SLC9A9: variants seen among roughly 807,000 people sequenced by gnomAD.
SLC9A9 encodes the protein sodium/hydrogen exchanger 9.
A neutral mutation model predicts 77.8 loss-of-function variants in SLC9A9; 62 were observed. The ratio of observed to expected loss-of-function variants is 0.80; its 90% CI spans 0.65 to 0.98. The LOEUF is 0.98. Among genes scored for constraint, SLC9A9 ranks in the 50% least tolerant of loss-of-function variants. The pLI is 0.00. For missense variants in SLC9A9, 775 were observed against 774.9 expected (o/e 1.00, Z 0.00); for synonymous variants, 320 against 283.5 (o/e 1.13, Z -1.29).
chr3:143,265,931 C>G lies in SLC9A9; in HGVS notation c.*771G>C. On this transcript the variant is annotated 3_prime_UTR_variant, in exon 16 of 16. Transcript: ENST00000316549. ...GCACAGCCAAGAAGTGACTCACATG[C>G]AGGCAAGGACGGGAAGGCTTGTTCT... is the stretch of plus-strand genomic sequence containing the variant. 1 of 632,946 alleles carries G rather than the reference C, an allele frequency of 1.6e-6. No homozygotes were observed. The allele number at this position is 632,946 out of a possible 1,614,324, so 39.2% of individuals were successfully genotyped here.
intron 12 of SLC9A9, among the ~76,000 whole-genome samples, chr3:143,422,921 T>C (rs1189705720): frequency 6.6e-6 from 1 of 152,018 alleles, no homozygotes; most frequent in East Asian, 1.9e-4. Flanking sequence ...AAATCCAGAG[T>C]AGTTCAAGAC....
chr3:143,610,586 T>A (rs2038008315), intron 6 of SLC9A9, among the ~76,000 whole-genome samples: 1 of 152,144 alleles, frequency 6.6e-6, no homozygotes, highest in South Asian at 2.1e-4. Flanking sequence ...TCTTGAAAAC[T>A]AAACCAAAAA....
intron 14 of SLC9A9, among the ~76,000 whole-genome samples, chr3:143,352,990 C>T (rs1361543532): frequency 1.3e-5 from 2 of 152,222 alleles, no homozygotes; most frequent in African/African-American, 2.4e-5. Flanking sequence ...AACCGGGACA[C>T]ATGCGGTCCC....
chr3:143,715,609 A>T (rs541096295), intron 4 of SLC9A9, among the ~76,000 whole-genome samples: 1 of 152,342 alleles, frequency 6.6e-6, no homozygotes, highest in Non-Finnish European at 1.5e-5. Flanking sequence ...TCTCTGTCTT[A>T]GCCATCTCCA....
At chr3:143,562,148 A>G (rs913300704) in intron 8 of SLC9A9, among the ~76,000 whole-genome samples, 4 of 152,246 alleles carry the variant, frequency 2.6e-5, no homozygotes, top group East Asian at 1.9e-4. Flanking sequence ...AAGACTGAAT[A>G]AAGCAGGCCT....
chr3:143,369,295 G>A lies in SLC9A9; in HGVS notation c.1525-5732C>T, dbSNP rs576861673. Among the ~76,000 whole-genome samples, 549 of 152,216 alleles carry A rather than the reference G, an allele frequency of 3.6e-3. 3 individuals are homozygous for A. The highest frequency in any genetic ancestry group is 0.013 in the African/African-American group (537 of 41,546). ...TTGATATTTTTTCCTTTAAAACATG[G>A]AACTTACCTGCAGGTAGAAAGTAGA... On this transcript the variant is annotated intron_variant, in intron 13 of 15. Coordinates refer to ENST00000316549, the MANE Select transcript of SLC9A9 (RefSeq NM_173653.4).
intron 4 of SLC9A9, among the ~76,000 whole-genome samples, chr3:143,733,580 T>C (rs1314486098): frequency 6.6e-6 from 1 of 151,820 alleles, no homozygotes; most frequent in Non-Finnish European, 1.5e-5. Context: ...GAAAGAGGGG[T>C]GTGAGGTGCC....
At chr3:143,456,018 C>A (rs879084466) in intron 12 of SLC9A9, among the ~76,000 whole-genome samples, 2 of 151,818 alleles carry the variant, frequency 1.3e-5, no homozygotes, top group Admixed American at 1.3e-4. Context: ...TGGCTTTTCA[C>A]TATTAAATAT....
At chr3:143,793,795 T>C (rs1423373770) in intron 4 of SLC9A9, among the ~76,000 whole-genome samples, 1 of 152,170 alleles carries the variant, frequency 6.6e-6, no homozygotes, top group African/African-American at 2.4e-5. Flanking sequence ...CTGCAAAGTT[T>C]AGAAATGTGA....
At chr3:143,344,178 G>A (rs1313759525) in intron 14 of SLC9A9, among the ~76,000 whole-genome samples, 1 of 152,118 alleles carries the variant, frequency 6.6e-6, no homozygotes, top group African/African-American at 2.4e-5. Flanking sequence ...TATTGGCAGA[G>A]GAAGGCATAT....
At chr3:143,804,325 CCCTCTT>C (rs2008651165) in intron 2 of SLC9A9, among the ~76,000 whole-genome samples, 1 of 152,152 alleles carries the variant, frequency 6.6e-6, no homozygotes, top group Non-Finnish European at 1.5e-5. Context: ...TCCTCCCAGG[CCCTCTT>C]CTTGTTTACT....
intron 14 of SLC9A9, among the ~76,000 whole-genome samples, chr3:143,319,669 C>T (rs1041925131): frequency 5.9e-5 from 9 of 152,258 alleles, no homozygotes; most frequent in Non-Finnish European, 7.3e-5. Flanking sequence ...TTGTCTTTTC[C>T]GCTGCTGACA....
chr3:143,379,355 G>A (rs1006837712), intron 13 of SLC9A9, among the ~76,000 whole-genome samples: 12 of 152,108 alleles, frequency 7.9e-5, no homozygotes, highest in Admixed American at 1.3e-4. Context: ...ACCAAAAAAC[G>A]GTCCAGGTTC....
rs116960836 is a variant in SLC9A9, at chr3:143,300,113, A to G, written c.1605-31133T>C. On this transcript the variant is annotated intron_variant, in intron 14 of 15. Coordinates refer to ENST00000316549, the MANE Select transcript of SLC9A9 (RefSeq NM_173653.4). ...TTGGCACACAGGTTGAGAAAGTCTG[A>G]CTGAGTGGTTAAAAGCGTGTGCTTT... Among the ~76,000 whole-genome samples, 78 of 152,226 alleles carry G rather than the reference A, an allele frequency of 5.1e-4. No individual in the cohort carries two copies. The East Asian group carries it at 0.015, about 28-fold the overall frequency.
intron 5 of SLC9A9, among the ~76,000 whole-genome samples, chr3:143,662,130 CA>C (rs751336602): frequency 7.2e-5 from 11 of 152,238 alleles, no homozygotes; most frequent in Non-Finnish European, 1.6e-4. Flanking sequence ...TTTTGTAGTT[CA>C]GTGTCTTACA....
intron 5 of SLC9A9, among the ~76,000 whole-genome samples, chr3:143,673,008 T>C (rs1253885699): frequency 2.0e-5 from 3 of 152,198 alleles, no homozygotes; most frequent in South Asian, 2.1e-4. Flanking sequence ...AAAGGTAAGA[T>C]AGTTCATGTG....
chr3:143,409,195 T>C lies in SLC9A9; in HGVS notation c.1470-27081A>G, dbSNP rs1378822456. Among the ~76,000 whole-genome samples, 3 of 152,202 alleles carry C rather than the reference T, an allele frequency of 2.0e-5. No homozygotes were observed. The East Asian group carries it at 5.8e-4, about 29-fold the overall frequency. The stretch of plus-strand genomic sequence containing the variant: ...CACTGGTATTAACTCAAAATAAAGC[T>C]CTGGAGGCTTCAACTGTAAATAGTG... On this transcript the variant is annotated intron_variant, in intron 12 of 15. Coordinates refer to ENST00000316549, the MANE Select transcript of SLC9A9 (RefSeq NM_173653.4).
At chr3:143,722,195 C>G (rs993005388) in intron 4 of SLC9A9, among the ~76,000 whole-genome samples, 2 of 152,064 alleles carry the variant, frequency 1.3e-5, no homozygotes, top group Non-Finnish European at 2.9e-5. Context: ...CATCATTGGC[C>G]GGGCGCGGTG....
chr3:143,574,137 G>A lies in SLC9A9; in HGVS notation c.951C>T (p.Phe317=). 3.1e-6 allele frequency: 5 copies of A among 1,613,590 alleles called. No homozygotes were observed. The highest frequency in any genetic ancestry group is 4.2e-6 in the Non-Finnish European group (5 of 1,179,662). ...EFPMLETGLF[F]LLSWSAFLSA... ...ACAGGAAGGCACTCCAAGAAAGCAG[G>A]AAAAACAGGCCGGTTTCCAGCATCG... Residue 317 remains phenylalanine (F), a synonymous_variant, in exon 8 of 16, where the codon TTC becomes TTT. Coordinates refer to ENST00000316549, the MANE Select transcript of SLC9A9 (RefSeq NM_173653.4).
Sources: gnomAD v4.1 joint callset for allele counts (sites outside exome capture counted in the v4.1 genomes callset) on GRCh38, gnomAD v4.1.1 for gene constraint, MANE v1.5 for transcripts, NCBI Gene and HGNC (gene_info 2026-07-23, HGNC 2026-07-21) for gene names.